The following CDKAL1 variants were observed in gnomAD, a reference collection of about 807,000 sequenced individuals.
CDKAL1 encodes the protein threonylcarbamoyladenosine tRNA methylthiotransferase.
CDKAL1 carries 32 observed loss-of-function variants against 68.2 expected under a neutral mutation model. The ratio of observed to expected loss-of-function variants is 0.47; its 90% CI spans 0.35 to 0.63. The LOEUF (loss-of-function observed/expected upper bound fraction) is 0.63, where lower values mean the gene tolerates loss of function less well. Ranked by LOEUF, CDKAL1 falls within the 30% of genes least tolerant of loss-of-function variation. CDKAL1 has a pLI of 0.00. For synonymous variants in CDKAL1, 234 were observed against 244.3 expected (o/e 0.96, Z 0.39); for missense variants, 606 against 696.7 (o/e 0.87, Z 1.47).
intron 11 of CDKAL1, among the ~76,000 whole-genome samples, chr6:21,052,419 GCT>G (rs1314094850): frequency 1.3e-5 from 2 of 152,068 alleles, no homozygotes; most frequent in African/African-American, 4.8e-5. Context: ...CACGATCACA[GCT>G]CACTGCAGCC....
At chr6:20,656,980 A>G (rs1269110782) in intron 5 of CDKAL1, among the ~76,000 whole-genome samples, 1 of 152,230 alleles carries the variant, frequency 6.6e-6, no homozygotes, top group Non-Finnish European at 1.5e-5. Context: ...TCTTTCCAGA[A>G]TAAATACAAT....
At chr6:20,744,691 A>G (rs1186564975) in intron 6 of CDKAL1, among the ~76,000 whole-genome samples, 2 of 152,028 alleles carry the variant, frequency 1.3e-5, no homozygotes, top group Non-Finnish European at 2.9e-5. Flanking sequence ...AACAATATTT[A>G]TTTGCTGAGT....
chr6:20,667,493 C>G (rs111347313), intron 5 of CDKAL1, among the ~76,000 whole-genome samples: 1 of 152,068 alleles, frequency 6.6e-6, no homozygotes, highest in Non-Finnish European at 1.5e-5. Flanking sequence ...CCCCCCTTCC[C>G]TCAACAATAA....
In CDKAL1 at chr6:20,955,472, G is replaced by A; in HGVS notation, c.796G>A (p.Asp266Asn). 6.2e-7 allele frequency: 1 copy of A among 1,614,148 alleles called. No homozygotes were observed. Among genetic ancestry groups the A allele is most frequent in the Non-Finnish European group, 8.5e-7 (1 of 1,180,012 alleles). The part of the protein sequence containing the change: ...TSEDTGAYGR[D>N]IGTNLPTLLW... ...TGAAGACACGGGGGCTTATGGCAGA[G>A]ATATTGGCACCAATCTCCCCACACT... Residue 266 changes from aspartate (D) to asparagine (N), a missense_variant, in exon 10 of 16, where the codon GAT becomes AAT. By Grantham distance (23) the Asp-to-Asn change is conservative (BLOSUM62 1). Transcript: ENST00000274695.
At chr6:21,128,346 A>G (rs1475757790) in intron 13 of CDKAL1, among the ~76,000 whole-genome samples, 1 of 152,218 alleles carries the variant, frequency 6.6e-6, no homozygotes, top group Non-Finnish European at 1.5e-5. Context: ...TGCATTTTCA[A>G]CTTAAAATAT....
At chr6:21,110,876 A>G (rs1774086029) in intron 13 of CDKAL1, among the ~76,000 whole-genome samples, 1 of 152,182 alleles carries the variant, frequency 6.6e-6, no homozygotes, top group Admixed American at 6.5e-5. Context: ...AGGTTTAGGC[A>G]GGAGGATCAC....
At chr6:20,970,557 T>C (rs1765542094) in intron 10 of CDKAL1, among the ~76,000 whole-genome samples, 1 of 152,206 alleles carries the variant, frequency 6.6e-6, no homozygotes, top group Non-Finnish European at 1.5e-5. Context: ...ATATGTGAAG[T>C]TGAATCACTT....
intron 13 of CDKAL1, among the ~76,000 whole-genome samples, chr6:21,186,746 G>C (rs551711709): frequency 1.3e-5 from 2 of 152,086 alleles, no homozygotes; most frequent in African/African-American, 4.8e-5. Flanking sequence ...CCACAGTTAA[G>C]AGTGTGGTGA....
chr6:20,677,052 C>T (rs1770145720), intron 5 of CDKAL1, among the ~76,000 whole-genome samples: 1 of 151,498 alleles, frequency 6.6e-6, no homozygotes, highest in Non-Finnish European at 1.5e-5. Flanking sequence ...TTATTTATGC[C>T]TTGTTTTTTA....
intron 13 of CDKAL1, among the ~76,000 whole-genome samples, chr6:21,112,052 A>C (rs1482352694): frequency 2.6e-5 from 4 of 152,180 alleles, no homozygotes; most frequent in African/African-American, 9.7e-5. Flanking sequence ...GGTCACAAAA[A>C]GTCCAACCTG....
intron 11 of CDKAL1, among the ~76,000 whole-genome samples, chr6:21,011,634 ATGTT>A (rs1296188761): frequency 6.6e-6 from 1 of 152,212 alleles, no homozygotes; most frequent in Non-Finnish European, 1.5e-5. Context: ...ATAAGCCAGA[ATGTT>A]TGGTAAGAAT....
chr6:21,077,323 A>C (rs558435513), intron 12 of CDKAL1, among the ~76,000 whole-genome samples: 19 of 152,302 alleles, frequency 1.2e-4, no homozygotes, highest in African/African-American at 3.8e-4. Context: ...TAGGGGCTCA[A>C]ATGGCAGCAA....
chr6:21,101,326 C>T (rs1773566761), intron 12 of CDKAL1, among the ~76,000 whole-genome samples: 1 of 152,080 alleles, frequency 6.6e-6, no homozygotes, highest in Admixed American at 6.5e-5. Flanking sequence ...TTTGTCCAGG[C>T]CCCAGAAGAC....
intron 5 of CDKAL1, among the ~76,000 whole-genome samples, chr6:20,703,485 A>G (rs1050442415): frequency 5.3e-5 from 8 of 152,214 alleles, no homozygotes; most frequent in African/African-American, 1.9e-4. Context: ...ATGTGCTCTA[A>G]TGTATTTGCT....
At chr6:21,175,473 C>CA (rs1777541063) in intron 13 of CDKAL1, among the ~76,000 whole-genome samples, 1 of 152,174 alleles carries the variant, frequency 6.6e-6, no homozygotes, top group African/African-American at 2.4e-5. Flanking sequence ...CCTTGACTCT[C>CA]AGGAAGCTCA....
chr6:20,973,825 G>A (rs908003379), intron 10 of CDKAL1, among the ~76,000 whole-genome samples: 1 of 151,938 alleles, frequency 6.6e-6, no homozygotes, highest in African/African-American at 2.4e-5. Context: ...GGCTAGTCTC[G>A]AACTCCTGGG....
At chr6:21,047,544 C>A (rs1385766041) in intron 11 of CDKAL1, among the ~76,000 whole-genome samples, 2 of 152,174 alleles carry the variant, frequency 1.3e-5, no homozygotes, top group Non-Finnish European at 2.9e-5. Context: ...TTTCCAAGTT[C>A]TCCCAAGCAT....
chr6:20,750,980 A>G (rs1321365213), intron 6 of CDKAL1, among the ~76,000 whole-genome samples: 10 of 138,354 alleles, frequency 7.2e-5, no homozygotes, highest in African/African-American at 1.8e-4. Flanking sequence ...AAAAAAAAAA[A>G]AAAAAGAAGT....
chr6:21,032,422 C>CT (rs1769344923), intron 11 of CDKAL1, among the ~76,000 whole-genome samples: 3 of 152,124 alleles, frequency 2.0e-5, no homozygotes, highest in Middle Eastern at 3.2e-3. Context: ...CAGCGGAACT[C>CT]TGTCTATTTT....
Sources: gnomAD v4.1 joint callset for allele counts (sites outside exome capture counted in the v4.1 genomes callset) on GRCh38, gnomAD v4.1.1 for gene constraint, MANE v1.5 for transcripts, NCBI Gene and HGNC (gene_info 2026-07-23, HGNC 2026-07-21) for gene names.